ARSK: variants seen among roughly 807,000 people sequenced by gnomAD.
ARSK encodes the protein arylsulfatase family member K, also known as arylsulfatase K.
A neutral mutation model predicts 53.2 loss-of-function variants in ARSK; 37 were observed. That is an observed-to-expected ratio of 0.70 (90% confidence interval 0.54 to 0.92). The LOEUF is 0.92. Among genes scored for constraint, ARSK ranks in the 40% least tolerant of loss-of-function variants. The probability of loss-of-function intolerance (pLI) is 0.00; values close to 1 mark genes in which losing one functional copy is unlikely to be tolerated. For missense variants in ARSK, 613 were observed against 643.0 expected, an observed-to-expected ratio of 0.95 and a Z score of 0.51; for synonymous variants, 208 against 223.2, an observed-to-expected ratio of 0.93 and a Z score of 0.61.
Position 95,605,001 on chromosome 5 carries a change from T to A in ARSK, c.*1475T>A, listed in dbSNP as rs1472764268. 1.3e-5 allele frequency: 2 copies of A among 152,276 alleles called. No homozygotes were observed. The highest frequency in any genetic ancestry group is 2.9e-5 in the Non-Finnish European group (2 of 68,048). The allele number at this position is 152,276 out of a possible 1,614,324, so 9.4% of individuals were successfully genotyped here. A position where few individuals can be genotyped will look rare whatever the true frequency, so the allele number is the denominator to read the frequency against. On this transcript the variant is annotated 3_prime_UTR_variant, in exon 8 of 8. Transcript: ENST00000380009. ...ATTTTCATGTAAGCAAATTTATGAA[T>A]CTTTGTACACCATAAGTATATACAA...
chr5:95,571,820 G>T (rs1245329156), intron 3 of ARSK, among the ~76,000 whole-genome samples: 1 of 152,174 alleles, frequency 6.6e-6, no homozygotes, highest in Non-Finnish European at 1.5e-5. Flanking sequence ...GCTGTTAATA[G>T]CATGTCTGAA....
At chr5:95,586,461 T>A in intron 4 of ARSK, 101 bp from the exon 5 acceptor site, 1 of 908,864 alleles carries the variant, frequency 1.1e-6, no homozygotes, top group Non-Finnish European at 1.7e-6. Flanking sequence ...TTTCTACTAT[T>A]CTAAGTAATT....
intron 1 of ARSK, among the ~76,000 whole-genome samples, chr5:95,560,246 G>A (rs756903062): frequency 9.9e-5 from 15 of 151,046 alleles, no homozygotes; most frequent in Non-Finnish European, 1.8e-4. Flanking sequence ...TGTTAATATA[G>A]CAGTACTCAC....
At chr5:95,570,475 T>G (rs1196716787) in intron 3 of ARSK, among the ~76,000 whole-genome samples, 2 of 152,180 alleles carry the variant, frequency 1.3e-5, no homozygotes, top group Non-Finnish European at 2.9e-5. Flanking sequence ...ATACCCAGCT[T>G]CCCTGCTCAC....
chr5:95,594,053 G>A (rs1749261476), intron 6 of ARSK, among the ~76,000 whole-genome samples: 2 of 152,278 alleles, frequency 1.3e-5, no homozygotes, highest in Middle Eastern at 3.4e-3. Flanking sequence ...GCTTAGCACA[G>A]TTTATAATGT....
chr5:95,555,179 C>T lies in ARSK; in HGVS notation c.-100C>T, dbSNP rs1383135440. On this transcript the variant is annotated 5_prime_UTR_variant, in exon 1 of 8. Coordinates refer to ENST00000380009, the MANE Select transcript of ARSK (RefSeq NM_198150.3). The surrounding 1 kb of genome is among the most constrained non-coding windows in gnomAD (Gnocchi z 4.0). ...TACTATCAAGCAACCAAACTGCAAG[C>T]TTTGGGAGTTGTTCGCTGTCCCTGC... The T allele has an allele frequency of 1.7e-6, 2 of 1,185,544 alleles. No homozygotes were observed. Among genetic ancestry groups the T allele is most frequent in the South Asian group, 2.5e-5 (2 of 78,546 alleles). 73.4% of individuals were successfully genotyped at this position (1,185,544 alleles called of 1,614,324 possible). A position where few individuals can be genotyped will look rare whatever the true frequency, so the allele number is the denominator to read the frequency against.
chr5:95,601,138 C>A, intron 7 of ARSK, 67 bp downstream of exon 7: 1 of 1,293,580 alleles, frequency 7.7e-7, no homozygotes, highest in South Asian at 1.3e-5. Flanking sequence ...TAGCATTGCT[C>A]AAGATATCCA....
intron 3 of ARSK, among the ~76,000 whole-genome samples, chr5:95,572,347 C>G (rs571285258): frequency 6.6e-6 from 1 of 152,332 alleles, no homozygotes; most frequent in African/African-American, 2.4e-5. Flanking sequence ...AAAAGTTCTT[C>G]TACTCTGAAA....
rs892214329 is a variant in ARSK at position 95,582,910 on chromosome 5, C to A, written c.417-6C>A. The A allele has an allele frequency of 6.3e-7, 1 of 1,574,872 alleles. No homozygotes were observed. The highest frequency in any genetic ancestry group is 2.3e-5 in the East Asian group (1 of 44,340). ...TGACAATATATGTGTCTTTTTGCCCCCTCAGTAATCGTGTGGAAGCGTGGA... is the reference window on the plus strand; with the variant it reads ...TGACAATATATGTGTCTTTTTGCCCACTCAGTAATCGTGTGGAAGCGTGGA... On this transcript the variant is annotated splice_region_variant and splice_polypyrimidine_tract_variant and intron_variant, in intron 3 of 7. Transcript: ENST00000380009.
intron 2 of ARSK, among the ~76,000 whole-genome samples, chr5:95,567,348 T>C (rs1366733696): frequency 6.6e-6 from 1 of 152,210 alleles, no homozygotes; most frequent in Admixed American, 6.5e-5. Flanking sequence ...ACAGAAAGCT[T>C]ATTCTAACTT....
chr5:95,596,132 C>A (rs1749304589), intron 6 of ARSK, among the ~76,000 whole-genome samples: 1 of 152,132 alleles, frequency 6.6e-6, no homozygotes, highest in Non-Finnish European at 1.5e-5. Flanking sequence ...ATCATTCAAC[C>A]TTTTAAGATA....
intron 1 of ARSK, among the ~76,000 whole-genome samples, chr5:95,564,020 C>T (rs1748682188): frequency 7.2e-6 from 1 of 139,230 alleles, no homozygotes; most frequent in African/African-American, 2.7e-5. Context: ...CTCTGTCACT[C>T]ATGCTGGAGT....
At chr5:95,583,984 A>T (rs1012020820) in intron 4 of ARSK, among the ~76,000 whole-genome samples, 4 of 152,170 alleles carry the variant, frequency 2.6e-5, no homozygotes, top group African/African-American at 9.7e-5. Context: ...ATGTGCCTTC[A>T]CTAAGTTCCT....
chr5:95,591,567 A>C lies in ARSK; in HGVS notation c.1038A>C (p.Lys346Asn), dbSNP rs766820511. The change falls in exon 6 of 8, where the codon AAA becomes AAC. Residue 346 changes from lysine to asparagine, a missense_variant. Physicochemically the swap from Lys to Asn is moderately conservative, Grantham distance 94 (BLOSUM62 0). Coordinates refer to ENST00000380009, the MANE Select transcript of ARSK (RefSeq NM_198150.3). ...VPLLMMGPGI[K>N]AGLQVSNVVS... ...TTTTGATGATGGGACCAGGAATTAA[A>C]GCCGGCCTACAAGTATCAAATGTGG... The C allele has an allele frequency of 1.2e-6, 2 of 1,614,178 alleles. No homozygotes were observed. Among genetic ancestry groups the C allele is most frequent in the South Asian group, 2.2e-5 (2 of 91,088 alleles).
Position 95,567,886 on chromosome 5 carries a change from TCAG to T in ARSK, c.257-1_258del. 3.2e-6 allele frequency: 5 copies of T among 1,573,510 alleles called. No homozygotes were observed. The highest frequency in any genetic ancestry group is 1.4e-5 in the African/African-American group (1 of 72,288). The stretch of plus-strand genomic sequence containing the variant: ...ATCCCAATTCCTTTTTTTTTTTTTC[TCAG>T]CAATGTGGAGTGGCCTCTTCACTCA... On this transcript the variant is annotated splice_acceptor_variant and splice_polypyrimidine_tract_variant and intron_variant, in intron 2 of 7. Transcript: ENST00000380009. LOFTEE classifies it high-confidence loss of function.
In ARSK at chr5:95,600,941, C is replaced by T; in HGVS notation, c.1191C>T (p.Asn397=). Residue 397 remains asparagine, a synonymous_variant, in exon 7 of 8, where the codon AAC becomes AAT. Coordinates refer to ENST00000380009, the MANE Select transcript of ARSK (RefSeq NM_198150.3). The part of the protein sequence containing the change: ...ETFKNEHKVK[N]LHPPWILSEF... ...TTAAGAATGAACATAAAGTCAAAAA[C>T]CTGCATCCACCCTGGATTCTGAGTG... 6.2e-7 allele frequency: 1 copy of T among 1,614,078 alleles called. No individual in the cohort carries two copies. The highest frequency in any genetic ancestry group is 8.5e-7 in the Non-Finnish European group (1 of 1,179,972).
Position 95,583,267 on chromosome 5 carries a change from T to C in ARSK, c.699+69T>C, listed in dbSNP as rs115068485. ...GTGGCTTATTGGTATTTGCTCATTG[T>C]TTCTTTTATTATCACTTTTAAAGAA... On this transcript the variant is annotated intron_variant, in intron 4 of 7. Coordinates refer to ENST00000380009, the MANE Select transcript of ARSK (RefSeq NM_198150.3). 9.0e-3 allele frequency: 11,734 copies of C among 1,296,862 alleles called. 206 individuals carry two copies. The highest frequency in any genetic ancestry group is 0.064 in the African/African-American group (4,326 of 67,528). The allele number at this position is 1,296,862 out of a possible 1,614,324, so 80.3% of individuals were successfully genotyped here. A position where few individuals can be genotyped will look rare whatever the true frequency, so the allele number is the denominator to read the frequency against.
chr5:95,593,268 A>C (rs2112443780), intron 6 of ARSK, among the ~76,000 whole-genome samples: 1 of 152,240 alleles, frequency 6.6e-6, no homozygotes, highest in East Asian at 1.9e-4. Flanking sequence ...AGGTATTGTA[A>C]AAGATTATGG....
At chr5:95,584,470 C>A (rs141673028) in intron 4 of ARSK, among the ~76,000 whole-genome samples, 2,070 of 152,256 alleles carry the variant, frequency 0.014, 25 homozygotes, top group Middle Eastern at 0.02. Context: ...TCATGCATAT[C>A]AAACCACATG....
Sources: gnomAD v4.1 joint callset for allele counts (sites outside exome capture counted in the v4.1 genomes callset) on GRCh38, gnomAD v4.1.1 for gene constraint, Gnocchi (gnomAD v3.1) non-coding constraint, MANE v1.5 for transcripts, NCBI Gene and HGNC (gene_info 2026-07-23, HGNC 2026-07-21) for gene names.